The following CYSLTR1 variants were observed in gnomAD, a reference collection of about 807,000 sequenced individuals.
The protein encoded by CYSLTR1 is cysteinyl leukotriene receptor 1.
CYSLTR1 carries 1 observed loss-of-function variant against 2.1 expected under a neutral mutation model. The observed-to-expected ratio is 0.48, with a 90% CI of 0.17 to 2.28. CYSLTR1 has a LOEUF of 2.28. CYSLTR1 is among the 30% of genes most tolerant of loss of function. CYSLTR1 has a pLI of 0.26. For synonymous variants in CYSLTR1, 110 were observed against 89.6 expected (o/e 1.23, Z -1.28); for missense variants, 299 against 250.1 (o/e 1.20, Z -1.32).
At chrX:78,291,455 A>G (rs1254945173) in intron 1 of CYSLTR1, among the ~76,000 whole-genome samples, 1 of 111,057 alleles carries the variant, frequency 9.0e-6, no homozygotes, top group Admixed American at 9.6e-5. Context: ...AGGCTTTGGT[A>G]TCAGGATGAT....
chrX:78,290,194 C>T (rs1922260541), intron 1 of CYSLTR1, among the ~76,000 whole-genome samples: 2 of 111,846 alleles, frequency 1.8e-5, no homozygotes, highest in South Asian at 7.4e-4. Flanking sequence ...AGCCAGTTTT[C>T]CCAGCACCAT....
At chrX:78,303,737 G>C (rs1009916509) in intron 1 of CYSLTR1, among the ~76,000 whole-genome samples, 6 of 111,945 alleles carry the variant, frequency 5.4e-5, no homozygotes, top group Non-Finnish European at 3.8e-5. Flanking sequence ...AATAAACATA[G>C]TGGAAAATTC....
At chrX:78,320,053 A>G (rs1029332758) in intron 1 of CYSLTR1, 7 of 111,554 alleles carry the variant, frequency 6.3e-5, no homozygotes, top group African/African-American at 1.6e-4. Context: ...CTCCCATTCT[A>G]TAGGTTGCCT....
intron 2 of CYSLTR1, among the ~76,000 whole-genome samples, chrX:78,281,816 A>G (rs1022130168): frequency 2.7e-5 from 3 of 111,937 alleles, no homozygotes; most frequent in Non-Finnish European, 3.8e-5. Context: ...TCCTACCACT[A>G]TCAACTCTCA....
intron 1 of CYSLTR1, among the ~76,000 whole-genome samples, chrX:78,287,618 A>T (rs368307137): frequency 2.5e-4 from 28 of 112,236 alleles, no homozygotes; most frequent in African/African-American, 8.4e-4. Flanking sequence ...GATACAGTCA[A>T]CAATGTGGAT....
intron 1 of CYSLTR1, among the ~76,000 whole-genome samples, chrX:78,292,443 C>A (rs747700915): frequency 1.8e-5 from 2 of 112,039 alleles, no homozygotes; most frequent in South Asian, 7.4e-4. Flanking sequence ...AATGTGTATT[C>A]TGTGGATTTG....
chrX:78,273,256 TG>T lies in CYSLTR1; in HGVS notation c.490del (p.Gln164LysfsTer42), dbSNP rs777215159. ...TSSPFLMAKP[Q>X]KDEKNNTKCF... ...CTTGGTATTATTTTTCTCATCTTTT[TG>T]TGGTTTGGCCATTAGAAATGGAGAA... On this transcript the variant is annotated frameshift_variant, in exon 3 of 3. Transcript: ENST00000373304. LOFTEE classifies it low-confidence loss of function (END_TRUNC). 1 of 1,208,593 alleles carries T rather than the reference TG, an allele frequency of 8.3e-7. No homozygotes were observed. The highest frequency in any genetic ancestry group is 1.8e-5 in the South Asian group (1 of 56,524).
intron 2 of CYSLTR1, among the ~76,000 whole-genome samples, chrX:78,274,298 T>C (rs1921467720): frequency 9.0e-6 from 1 of 111,342 alleles, no homozygotes; most frequent in Non-Finnish European, 1.9e-5. Flanking sequence ...GGCATCACGC[T>C]ACCTGACTTC....
rs1185665271 is a variant in CYSLTR1 at position 78,283,470 on chromosome X, A to G, written c.-44T>C. The G allele has an allele frequency of 8.9e-6, 1 of 112,657 alleles. No individual in the cohort carries two copies. Among genetic ancestry groups the G allele is most frequent in the Non-Finnish European group, 1.9e-5 (1 of 53,331 alleles). 9.3% of individuals were successfully genotyped at this position (112,657 alleles called of 1,213,427 possible). On this transcript the variant is annotated 5_prime_UTR_variant, in exon 2 of 3. Transcript: ENST00000373304. The stretch of plus-strand genomic sequence containing the variant: ...CAGGTATACCTCTTTCTGGCACTGG[A>G]GTACCTTCACAAATGTTCCTTCTTA...
At chrX:78,299,972 C>T (rs185727649) in intron 1 of CYSLTR1, among the ~76,000 whole-genome samples, 121 of 111,552 alleles carry the variant, frequency 1.1e-3, no homozygotes, top group Admixed American at 4.0e-3. Flanking sequence ...AGGAATGCTT[C>T]ATTGTTTTTT....
At chrX:78,274,253 C>T (rs1292978637) in intron 2 of CYSLTR1, among the ~76,000 whole-genome samples, 2 of 111,174 alleles carry the variant, frequency 1.8e-5, no homozygotes, top group African/African-American at 6.5e-5. Context: ...GCCCACATCG[C>T]CAAATCAATC....
intron 1 of CYSLTR1, among the ~76,000 whole-genome samples, chrX:78,307,446 T>C (rs1297035941): frequency 8.9e-6 from 1 of 111,899 alleles, no homozygotes; most frequent in Non-Finnish European, 1.9e-5. Context: ...TCAGGAGAGA[T>C]ATCTCTCCTC....
At chrX:78,290,874 C>T (rs1922293665) in intron 1 of CYSLTR1, among the ~76,000 whole-genome samples, 2 of 111,552 alleles carry the variant, frequency 1.8e-5, no homozygotes, top group South Asian at 3.8e-4. Flanking sequence ...GATGGGATTT[C>T]CTAAATATAC....
Position 78,301,027 on chromosome X carries a change from A to C in CYSLTR1, c.-114-17487T>G, listed in dbSNP as rs747709225. Among the ~76,000 whole-genome samples, 12 of 112,715 alleles carry C rather than the reference A, an allele frequency of 1.1e-4. No individual in the cohort carries two copies. In the East Asian group the frequency reaches 3.1e-3, roughly 29 times the overall value. ...TTGCACCCTGTGAAGCCACAGCCTA[A>C]GCTGTACCTCGGCTCCTTTTAGCCA... On this transcript the variant is annotated intron_variant, in intron 1 of 2. Transcript: ENST00000373304.
intron 1 of CYSLTR1, among the ~76,000 whole-genome samples, chrX:78,292,849 T>G (rs1268677180): frequency 9.2e-6 from 1 of 109,128 alleles, no homozygotes; most frequent in Non-Finnish European, 1.9e-5. Context: ...CTCCATCCCT[T>G]TATTTTGAGC....
At chrX:78,291,509 A>G (rs1391038120) in intron 1 of CYSLTR1, among the ~76,000 whole-genome samples, 8 of 110,312 alleles carry the variant, frequency 7.3e-5, no homozygotes, top group Non-Finnish European at 1.5e-4. Flanking sequence ...CTCTTTTTCT[A>G]TTGATTGGAA....
intron 1 of CYSLTR1, among the ~76,000 whole-genome samples, chrX:78,324,725 G>T (rs1158281604): frequency 8.9e-6 from 1 of 111,936 alleles, no homozygotes; most frequent in Non-Finnish European, 1.9e-5. Flanking sequence ...TCTATCTTTT[G>T]TAGGGTTGAC....
chrX:78,274,130 A>G (rs1299012292), intron 2 of CYSLTR1, among the ~76,000 whole-genome samples: 1 of 111,667 alleles, frequency 9.0e-6, no homozygotes, highest in African/African-American at 3.3e-5. Flanking sequence ...GAAAAGCTTT[A>G]AGAAGCAGTT....
chrX:78,284,130 CTT>C (rs1316898758), intron 1 of CYSLTR1, among the ~76,000 whole-genome samples: 1 of 111,832 alleles, frequency 8.9e-6, no homozygotes, highest in African/African-American at 3.2e-5. Context: ...TTGTAGTTAA[CTT>C]TTCATAAGCA....
Sources: allele counts gnomAD v4.1 joint callset (sites outside exome capture counted in the v4.1 genomes callset), GRCh38; gene constraint gnomAD v4.1.1; transcripts MANE v1.5; gene names NCBI Gene and HGNC (gene_info 2026-07-23, HGNC 2026-07-21).